Variants in DEPTOR observed in about 807,000 individuals in gnomAD.
DEPTOR encodes DEP domain-containing mTOR-interacting protein.
Under a neutral mutation model 41.6 loss-of-function variants are expected in DEPTOR, and 41 were observed. The observed-to-expected ratio is 0.98, with a 90% CI of 0.77 to 1.28. The LOEUF is 1.28. Among genes scored for constraint, DEPTOR ranks in the 50% most tolerant of loss-of-function variants. DEPTOR has a pLI of 0.00. For missense variants in DEPTOR, 514 were observed against 527.9 expected, an observed-to-expected ratio of 0.97 and a Z score of 0.26; for synonymous variants, 195 against 192.3, an observed-to-expected ratio of 1.01 and a Z score of -0.12.
In DEPTOR at chr8:119,965,361, G is replaced by T. The variant is rs770450314; in HGVS notation, c.555G>T (p.Glu185Asp). 1 of 1,614,104 alleles carries T rather than the reference G, an allele frequency of 6.2e-7. No individual in the cohort carries two copies. The highest frequency in any genetic ancestry group is 8.5e-7 in the Non-Finnish European group (1 of 1,180,006). ...AAGGTGAGGCCACCACGAGGAAAGA[G>T]GCAGAGCAGCTTTGCCACCGGCTTA... Reference protein sequence around the residue: ...VQEGEATTRKEAEQLCHRLME... With the variant: ...VQEGEATTRKDAEQLCHRLME... Residue 185 changes from glutamate to aspartate, a missense_variant, in exon 4 of 9, where the codon GAG becomes GAT. Transcript: ENST00000286234.
At position 119,885,017 on chromosome 8, in the gene DEPTOR, C is replaced by T. The variant is rs184000148; in HGVS notation, c.122+11049C>T. On this transcript the variant is annotated intron_variant, in intron 1 of 8. Coordinates refer to ENST00000286234, the MANE Select transcript of DEPTOR (RefSeq NM_022783.4). ...TCTCAAACTTTTGAGCTCAGGCAAT[C>T]GGCCCGTTTTGGATTATAGGCGTGA... is the stretch of plus-strand genomic sequence containing the variant. 2.5e-3 allele frequency among the ~76,000 whole-genome samples: 380 copies of T among 152,262 alleles called. 2 individuals are homozygous for T. The highest frequency in any genetic ancestry group is 8.1e-3 in the African/African-American group (337 of 41,568).
intron 1 of DEPTOR, among the ~76,000 whole-genome samples, chr8:119,880,689 C>T (rs1039723779): frequency 5.3e-5 from 8 of 152,176 alleles, no homozygotes; most frequent in African/African-American, 1.9e-4. Flanking sequence ...TTGTCACTTT[C>T]TCTACTAAAT....
At chr8:120,038,641 A>T (rs554751205) in intron 8 of DEPTOR, among the ~76,000 whole-genome samples, 1 of 152,160 alleles carries the variant, frequency 6.6e-6, no homozygotes, top group East Asian at 1.9e-4. Flanking sequence ...AATAATAAAT[A>T]AGAAGAAAAG....
intron 1 of DEPTOR, among the ~76,000 whole-genome samples, chr8:119,884,765 T>C (rs999906405): frequency 1.3e-5 from 2 of 151,818 alleles, no homozygotes; most frequent in Admixed American, 6.6e-5. Flanking sequence ...TCTCTGTTGC[T>C]CAGGCTGGAG....
intron 3 of DEPTOR, among the ~76,000 whole-genome samples, chr8:119,944,657 CTTTT>C (rs11428615): frequency 2.2e-5 from 3 of 136,966 alleles, no homozygotes; most frequent in Non-Finnish European, 1.6e-5. Context: ...TCTTTCTTTT[CTTTT>C]TTTTTTTTTT....
At chr8:119,981,979 A>T (rs974890041) in intron 4 of DEPTOR, among the ~76,000 whole-genome samples, 4 of 133,960 alleles carry the variant, frequency 3.0e-5, no homozygotes, top group African/African-American at 1.1e-4. Context: ...ATGCCACTGC[A>T]CTCTAGCCCA....
intron 4 of DEPTOR, among the ~76,000 whole-genome samples, chr8:119,971,105 G>A (rs10092895): frequency 0.34 from 51,718 of 151,870 alleles, 9,621 homozygotes; most frequent in East Asian, 0.52. Context: ...GGTGGCAGGC[G>A]CTTTGCAGTC....
chr8:119,987,284 C>A (rs948486955), intron 4 of DEPTOR, among the ~76,000 whole-genome samples: 1 of 152,156 alleles, frequency 6.6e-6, no homozygotes, highest in Non-Finnish European at 1.5e-5. Flanking sequence ...CTAAGTCAGA[C>A]CCCTTTGCTG....
intron 8 of DEPTOR, among the ~76,000 whole-genome samples, chr8:120,011,394 G>A (rs977102906): frequency 3.3e-5 from 5 of 152,186 alleles, no homozygotes; most frequent in Non-Finnish European, 7.3e-5. Flanking sequence ...CAGCACCAAA[G>A]CAACTCAGAG....
chr8:119,976,065 T>C (rs1466748030), intron 4 of DEPTOR, among the ~76,000 whole-genome samples: 2 of 151,816 alleles, frequency 1.3e-5, no homozygotes, highest in African/African-American at 4.8e-5. Flanking sequence ...TTTCACCATA[T>C]TGGCCAGGCT....
Position 119,969,360 on chromosome 8 carries a change from G to GT in DEPTOR, c.604+3961dup, listed in dbSNP as rs987720059. Among the ~76,000 whole-genome samples the GT allele has an allele frequency of 3.9e-3, 553 of 141,326 alleles. 1 individual carries two copies. The highest frequency in any genetic ancestry group is 0.018 in the Middle Eastern group (5 of 280). The allele number at this position is 141,326 out of a possible 152,430, so 92.7% of individuals were successfully genotyped here. A position where few individuals can be genotyped will look rare whatever the true frequency, so the allele number is the denominator to read the frequency against. ...TAATAAATCTGTTTTGTTTTTTTTT[G>GT]TTTTTTTTTTTGAGATGGAGTTTTG... On this transcript the variant is annotated intron_variant, in intron 4 of 8. Transcript: ENST00000286234.
In DEPTOR at chr8:120,003,074, C is replaced by T. The variant is rs1469947945; in HGVS notation, c.888C>T (p.Leu296=). 1.9e-6 allele frequency: 3 copies of T among 1,613,236 alleles called. No homozygotes were observed. The African/African-American group carries it at 4.0e-5, about 22-fold the overall frequency. ...GCTACTTCAGCAGCAGCCCCACCCT[C>T]AGCAGCAGCCCCCCTGTGCTCTGCA... ...SSGYFSSSPT[L]SSSPPVLCNP... is the part of the protein sequence containing the mutation. Residue 296 remains leucine (L), a synonymous_variant, in exon 6 of 9, where the codon CTC becomes CTT. Transcript: ENST00000286234.
chr8:119,913,637 G>A (rs7388491), intron 1 of DEPTOR, among the ~76,000 whole-genome samples: 120,580 of 152,124 alleles, frequency 0.79, 47,936 homozygotes, highest in East Asian at 0.95. Flanking sequence ...TTTATTTCTC[G>A]TGGTTCATCA....
intron 4 of DEPTOR, among the ~76,000 whole-genome samples, chr8:119,996,604 C>T (rs1475764778): frequency 6.6e-6 from 1 of 152,180 alleles, no homozygotes; most frequent in Non-Finnish European, 1.5e-5. Flanking sequence ...AAACTAAACA[C>T]TGGGTCAGTA....
intron 1 of DEPTOR, among the ~76,000 whole-genome samples, chr8:119,914,911 T>C (rs1002165140): frequency 2.6e-5 from 4 of 152,228 alleles, no homozygotes; most frequent in Non-Finnish European, 5.9e-5. Context: ...GTTGCAGCAG[T>C]CTGCAGATTA....
chr8:119,874,378 C>T (rs971066307), intron 1 of DEPTOR: 2 of 214,862 alleles, frequency 9.3e-6, no homozygotes, highest in Non-Finnish European at 1.8e-5. Context: ...GCGACCCCAG[C>T]CCCTCTACTC....
chr8:120,025,710 A>C (rs1316579691), intron 8 of DEPTOR, among the ~76,000 whole-genome samples: 1 of 151,966 alleles, frequency 6.6e-6, no homozygotes, highest in Non-Finnish European at 1.5e-5. Flanking sequence ...TTCATTTCCC[A>C]AAATCCAAAC....
chr8:119,930,586 T>A (rs1485206369), intron 3 of DEPTOR, among the ~76,000 whole-genome samples: 1 of 152,146 alleles, frequency 6.6e-6, no homozygotes, highest in African/African-American at 2.4e-5. Context: ...GTTTCAGGCT[T>A]GTAAGTGACT....
chr8:119,967,844 G>A lies in DEPTOR; in HGVS notation c.604+2434G>A, dbSNP rs527380034. ...ATAAAACATAGGGACATATGCAGGTGTATATTGAGTTACAACCTAAAAATT... is the reference window on the plus strand; with the variant it reads ...ATAAAACATAGGGACATATGCAGGTATATATTGAGTTACAACCTAAAAATT... On this transcript the variant is annotated intron_variant, in intron 4 of 8. Transcript: ENST00000286234. Among the ~76,000 whole-genome samples the A allele has an allele frequency of 1.2e-4, 19 of 152,078 alleles. No homozygotes were observed. In the East Asian group the frequency reaches 3.7e-3, roughly 29 times the overall value.
Sources: allele counts gnomAD v4.1 joint callset (sites outside exome capture counted in the v4.1 genomes callset), GRCh38; gene constraint gnomAD v4.1.1; transcripts MANE v1.5; gene names NCBI Gene and HGNC (gene_info 2026-07-23, HGNC 2026-07-21).